Variants in MAGI2 observed in about 807,000 individuals in gnomAD.
MAGI2 encodes membrane-associated guanylate kinase, WW and PDZ domain-containing protein 2.
MAGI2 carries 35 observed loss-of-function variants against 133.3 expected under a neutral mutation model. The observed-to-expected ratio is 0.26, with a 90% CI of 0.20 to 0.35. MAGI2 has a LOEUF of 0.35. MAGI2 is among the 10% of genes least tolerant of loss of function. MAGI2 has a pLI of 1.00. For missense variants in MAGI2, 1,636 were observed against 1,863.4 expected (o/e 0.88, Z 2.25); for synonymous variants, 729 against 710.6 (o/e 1.03, Z -0.41).
chr7:78,288,473 C>T (rs918090511), intron 9 of MAGI2, among the ~76,000 whole-genome samples: 1 of 152,102 alleles, frequency 6.6e-6, no homozygotes, highest in African/African-American at 2.4e-5. Context: ...TGTTTTAATT[C>T]TTCAGGAAAT....
chr7:78,994,470 A>G (rs1022254752), intron 2 of MAGI2, among the ~76,000 whole-genome samples: 1 of 151,960 alleles, frequency 6.6e-6, no homozygotes, highest in Admixed American at 6.6e-5. Flanking sequence ...CATTTTCATG[A>G]TTTTTTCCCT....
At chr7:78,546,576 C>T (rs1422655306) in intron 3 of MAGI2, among the ~76,000 whole-genome samples, 1 of 152,092 alleles carries the variant, frequency 6.6e-6, no homozygotes, top group Non-Finnish European at 1.5e-5. Context: ...AAACAATTGA[C>T]TGTGTTGATT....
rs142285395 is a variant in MAGI2 at position 78,584,229 on chromosome 7, G to A, written c.538+42891C>T. 7.0e-3 allele frequency among the ~76,000 whole-genome samples: 1,060 copies of A among 152,132 alleles called. 10 individuals are homozygous for A. The highest frequency in any genetic ancestry group is 0.024 in the African/African-American group (996 of 41,508). On this transcript the variant is annotated intron_variant, in intron 3 of 21. Transcript: ENST00000354212. ...AAGGTCAAGAGTTCGAGACCAGCCTGGTCAATACGGTGAAACCCTGTCTCT... is the reference window on the plus strand; with the variant it reads ...AAGGTCAAGAGTTCGAGACCAGCCTAGTCAATACGGTGAAACCCTGTCTCT...
intron 2 of MAGI2, among the ~76,000 whole-genome samples, chr7:78,654,703 G>GTATATATA (rs57776940): frequency 2.5e-5 from 3 of 118,440 alleles, no homozygotes; most frequent in Admixed American, 9.0e-5. Flanking sequence ...TTACATATAT[G>GTATATATA]TATATATATA....
chr7:79,090,073 G>A (rs1816919386), intron 1 of MAGI2, among the ~76,000 whole-genome samples: 1 of 151,750 alleles, frequency 6.6e-6, no homozygotes, highest in Non-Finnish European at 1.5e-5. Flanking sequence ...AGAATCAATT[G>A]CATTTTCCCC....
At chr7:78,304,908 T>C (rs941146091) in intron 9 of MAGI2, among the ~76,000 whole-genome samples, 1 of 152,204 alleles carries the variant, frequency 6.6e-6, no homozygotes, top group Admixed American at 6.5e-5. Context: ...TCATGTTTGA[T>C]GGTTCCAAGA....
rs148933389 is a variant in MAGI2, at chr7:78,071,924, C to T, written c.3706+7023G>A. Among the ~76,000 whole-genome samples, 13 of 152,300 alleles carry T rather than the reference C, an allele frequency of 8.5e-5. No individual in the cohort carries two copies. In the East Asian group the frequency reaches 2.5e-3, roughly 29 times the overall value. ...GTGAATTAGTGCCAAGGCTATGGTG[C>T]CACTTAAAACTTCCATCAACGTGGT... On this transcript the variant is annotated intron_variant, in intron 21 of 21. Coordinates refer to ENST00000354212, the MANE Select transcript of MAGI2 (RefSeq NM_012301.4).
chr7:78,083,692 T>A (rs3823794), intron 20 of MAGI2, among the ~76,000 whole-genome samples: 15,281 of 152,282 alleles, frequency 0.1, 1,257 homozygotes, highest in East Asian at 0.43. Context: ...GCCTAGTAAG[T>A]TCTGCATTCC....
At chr7:78,427,849 T>C (rs192961533) in intron 6 of MAGI2, among the ~76,000 whole-genome samples, 34 of 152,292 alleles carry the variant, frequency 2.2e-4, no homozygotes, top group African/African-American at 7.5e-4. Flanking sequence ...ATGAGTACTG[T>C]ATTTTGTGTC....
chr7:78,238,925 C>T (rs1378096216), intron 10 of MAGI2, among the ~76,000 whole-genome samples: 1 of 152,194 alleles, frequency 6.6e-6, no homozygotes, highest in East Asian at 1.9e-4. Context: ...TCTCTTGGAC[C>T]TCTTCTACCA....
chr7:78,297,059 C>A (rs1797323611), intron 9 of MAGI2, among the ~76,000 whole-genome samples: 1 of 152,218 alleles, frequency 6.6e-6, no homozygotes, highest in Admixed American at 6.5e-5. Context: ...CAGCAAATTT[C>A]TGATGCAGAA....
At chr7:78,296,947 T>C (rs182748231) in intron 9 of MAGI2, among the ~76,000 whole-genome samples, 56 of 152,178 alleles carry the variant, frequency 3.7e-4, no homozygotes, top group African/African-American at 1.3e-3. Flanking sequence ...AGAAGTCATG[T>C]GCTATAGCTC....
intron 6 of MAGI2, among the ~76,000 whole-genome samples, chr7:78,487,993 T>A (rs375761980): frequency 6.6e-6 from 1 of 152,084 alleles, no homozygotes; most frequent in African/African-American, 2.4e-5. Flanking sequence ...AGCACTTTTC[T>A]TGGCAAGAAA....
At chr7:78,289,188 G>A (rs567950905) in intron 9 of MAGI2, among the ~76,000 whole-genome samples, 21 of 152,212 alleles carry the variant, frequency 1.4e-4, no homozygotes, top group African/African-American at 4.1e-4. Context: ...CGAACCCATC[G>A]CAAAGAAGCT....
At chr7:78,358,646 C>T (rs981026806) in intron 7 of MAGI2, 4 of 197,720 alleles carry the variant, frequency 2.0e-5, no homozygotes, top group South Asian at 8.4e-5. Flanking sequence ...TTAGGTTGTA[C>T]GACTGAAGCC....
chr7:78,366,552 A>T (rs1223956208), intron 7 of MAGI2, among the ~76,000 whole-genome samples: 3 of 152,182 alleles, frequency 2.0e-5, no homozygotes, highest in African/African-American at 7.2e-5. Context: ...TGCAATAGAG[A>T]TGAGATACAG....
chr7:79,383,443 T>G (rs1013185269), intron 1 of MAGI2, among the ~76,000 whole-genome samples: 3 of 151,610 alleles, frequency 2.0e-5, no homozygotes, highest in African/African-American at 4.8e-5. Flanking sequence ...AATGGGATTT[T>G]AAAATACCTA....
intron 1 of MAGI2, among the ~76,000 whole-genome samples, chr7:79,174,909 T>C (rs567152001): frequency 1.3e-5 from 2 of 152,030 alleles, no homozygotes; most frequent in South Asian, 4.1e-4. Flanking sequence ...TGTGGCAATC[T>C]AAGTTGATGC....
intron 2 of MAGI2, among the ~76,000 whole-genome samples, chr7:78,797,758 A>C (rs1787732579): frequency 1.3e-5 from 2 of 152,168 alleles, no homozygotes; most frequent in Admixed American, 1.3e-4. Flanking sequence ...GACAACTGCC[A>C]AGCCCAATGG....
Sources: gnomAD v4.1 joint callset for allele counts (sites outside exome capture counted in the v4.1 genomes callset) on GRCh38, gnomAD v4.1.1 for gene constraint, MANE v1.5 for transcripts, NCBI Gene and HGNC (gene_info 2026-07-23, HGNC 2026-07-21) for gene names.